Variants in LARGE1 observed in about 807,000 individuals in gnomAD.
The protein encoded by LARGE1 is xylosyl- and glucuronyltransferase LARGE1.
A neutral mutation model predicts 87.6 loss-of-function variants in LARGE1; 43 were observed. The ratio of observed to expected loss-of-function variants is 0.49; its 90% CI spans 0.38 to 0.63. The LOEUF (loss-of-function observed/expected upper bound fraction) is 0.63. LARGE1 is among the 30% of genes least tolerant of loss of function. The pLI, the probability that LARGE1 is intolerant of heterozygous loss-of-function variation, is 0.00. For synonymous variants in LARGE1, 434 were observed against 394.6 expected (o/e 1.10, Z -1.18); for missense variants, 802 against 1,000.2 (o/e 0.80, Z 2.67).
At chr22:33,568,392 G>C (rs1179060316) in intron 5 of LARGE1, among the ~76,000 whole-genome samples, 1 of 152,282 alleles carries the variant, frequency 6.6e-6, no homozygotes, top group East Asian at 1.9e-4. Context: ...CGGCAAGAGA[G>C]GACCTAGAAG....
intron 1 of LARGE1, among the ~76,000 whole-genome samples, chr22:33,872,685 T>G (rs547661209): frequency 4.7e-4 from 71 of 152,122 alleles, no homozygotes; most frequent in African/African-American, 1.6e-3. Context: ...AGCCAGAAAC[T>G]GAGTGAATTT....
intron 2 of LARGE1, among the ~76,000 whole-genome samples, chr22:33,661,356 C>T (rs2081117437): frequency 1.3e-5 from 2 of 151,860 alleles, no homozygotes; most frequent in Admixed American, 1.3e-4. Flanking sequence ...GCTGGGATTA[C>T]AGGCGCGCCA....
intron 1 of LARGE1, among the ~76,000 whole-genome samples, chr22:33,908,590 G>T (rs2065527882): frequency 6.6e-6 from 1 of 152,172 alleles, no homozygotes; most frequent in Non-Finnish European, 1.5e-5. Context: ...GGCAGGGCTG[G>T]TTCATAACAA....
At chr22:33,433,235 T>A (rs1017358757) in intron 6 of LARGE1, among the ~76,000 whole-genome samples, 1 of 152,232 alleles carries the variant, frequency 6.6e-6, no homozygotes, top group African/African-American at 2.4e-5. Flanking sequence ...ACTGTCTTGA[T>A]GCACTATTGC....
chr22:33,173,616 T>C (rs556331223), intron 11 of LARGE1, among the ~76,000 whole-genome samples: 2 of 149,422 alleles, frequency 1.3e-5, no homozygotes, highest in African/African-American at 4.9e-5. Context: ...AAGACACATA[T>C]AAGCTCAAAA....
At chr22:33,687,320 C>T (rs1302469375) in intron 2 of LARGE1, among the ~76,000 whole-genome samples, 2 of 151,838 alleles carry the variant, frequency 1.3e-5, no homozygotes, top group Non-Finnish European at 2.9e-5. Flanking sequence ...CAAAGAAGTC[C>T]TCTCTGACCT....
chr22:33,132,839 G>A, the LARGE1 span, among the ~76,000 whole-genome samples: 5 of 151,932 alleles, frequency 3.3e-5, no homozygotes, highest in Non-Finnish European at 7.4e-5. Flanking sequence ...ATCTATTATC[G>A]TGCATGTAAC....
intron 2 of LARGE1, among the ~76,000 whole-genome samples, chr22:33,708,141 A>C (rs1044022502): frequency 6.6e-6 from 1 of 152,142 alleles, no homozygotes; most frequent in Admixed American, 6.5e-5. Context: ...GAAAGCACCT[A>C]TCCCAGAGGA....
intron 6 of LARGE1, among the ~76,000 whole-genome samples, chr22:33,564,201 G>A (rs551021818): frequency 2.0e-5 from 3 of 152,052 alleles, no homozygotes; most frequent in Non-Finnish European, 4.4e-5. Flanking sequence ...TGGGAGAGGG[G>A]TATTAAAATA....
At chr22:33,696,253 T>G (rs1396470800) in intron 2 of LARGE1, among the ~76,000 whole-genome samples, 1 of 114,334 alleles carries the variant, frequency 8.7e-6, no homozygotes, top group African/African-American at 3.3e-5. Flanking sequence ...CTTTCTTTCT[T>G]TCTTTCTTTC....
chr22:33,814,475 T>G (rs1010237838), intron 1 of LARGE1, among the ~76,000 whole-genome samples: 14 of 152,220 alleles, frequency 9.2e-5, no homozygotes, highest in Non-Finnish European at 2.9e-5. Flanking sequence ...ATTTTGTAGA[T>G]GTGGTTAATA....
intron 6 of LARGE1, among the ~76,000 whole-genome samples, chr22:33,442,789 G>A (rs896226323): frequency 8.7e-5 from 13 of 150,232 alleles, no homozygotes; most frequent in Non-Finnish European, 1.5e-4. Flanking sequence ...CTGGGATACT[G>A]ATAGCTTTTT....
the LARGE1 span, among the ~76,000 whole-genome samples, chr22:33,130,185 G>C: frequency 3.3e-5 from 5 of 151,122 alleles, no homozygotes; most frequent in Admixed American, 3.3e-4. Flanking sequence ...GTGGTGGTGG[G>C]CGCCTGTAGT....
chr22:33,167,922 A>G (rs977021979), intron 11 of LARGE1, among the ~76,000 whole-genome samples: 2 of 152,138 alleles, frequency 1.3e-5, no homozygotes, highest in African/African-American at 4.8e-5. Context: ...GGATCTGCAT[A>G]CCCCAATTAA....
the LARGE1 span, among the ~76,000 whole-genome samples, chr22:33,086,802 T>C: frequency 2.0e-5 from 3 of 152,042 alleles, no homozygotes; most frequent in Non-Finnish European, 4.4e-5. Flanking sequence ...CAGCCTGCCT[T>C]GGCCTCCCAA....
At chr22:33,070,586 A>T in the LARGE1 span, among the ~76,000 whole-genome samples, 2 of 152,224 alleles carry the variant, frequency 1.3e-5, no homozygotes, top group East Asian at 3.8e-4. Flanking sequence ...CAACAGAGAT[A>T]AACAAAGCCT....
At chr22:33,306,746 C>T (rs766211345) in intron 11 of LARGE1, among the ~76,000 whole-genome samples, 1 of 151,752 alleles carries the variant, frequency 6.6e-6, no homozygotes, top group Non-Finnish European at 1.5e-5. Flanking sequence ...TGGTAGTGAA[C>T]GCCTGTAGTC....
chr22:33,593,227 G>A (rs561722457), intron 5 of LARGE1, among the ~76,000 whole-genome samples: 77 of 151,810 alleles, frequency 5.1e-4, no homozygotes, highest in Middle Eastern at 3.4e-3. Context: ...TTTCTTGGTA[G>A]AGACGGGGTT....
chr22:33,456,982 G>A (rs2068155604), intron 6 of LARGE1, among the ~76,000 whole-genome samples: 1 of 152,168 alleles, frequency 6.6e-6, no homozygotes, highest in Non-Finnish European at 1.5e-5. Flanking sequence ...TCGCAGAGAA[G>A]GGCAAAGCCA....
Sources: gnomAD v4.1 joint callset for allele counts (sites outside exome capture counted in the v4.1 genomes callset) on GRCh38, gnomAD v4.1.1 for gene constraint, MANE v1.5 for transcripts, NCBI Gene and HGNC (gene_info 2026-07-23, HGNC 2026-07-21) for gene names.